Variants in AGBL1 observed in about 807,000 individuals in gnomAD.
The protein encoded by AGBL1 is AGBL carboxypeptidase 1.
A neutral mutation model predicts 118.9 loss-of-function variants in AGBL1; 130 were observed. The observed-to-expected ratio is 1.09, with a 90% CI of 0.95 to 1.26. The LOEUF (loss-of-function observed/expected upper bound fraction) is 1.26, where lower values mean the gene tolerates loss of function less well. Among genes scored for constraint, AGBL1 ranks in the 50% most tolerant of loss-of-function variants. The probability of loss-of-function intolerance (pLI) is 0.00; values close to 1 mark genes in which losing one functional copy is unlikely to be tolerated. For missense variants in AGBL1, 1,584 were observed against 1,298.1 expected, an observed-to-expected ratio of 1.22 and a Z score of -3.38; for synonymous variants, 555 against 478.9, an observed-to-expected ratio of 1.16 and a Z score of -2.08.
At chr15:86,560,827 C>T (rs970316944) in intron 21 of AGBL1, among the ~76,000 whole-genome samples, 1 of 152,184 alleles carries the variant, frequency 6.6e-6, no homozygotes, top group Non-Finnish European at 1.5e-5. Context: ...TTAATGATCG[C>T]CATTCTAACT....
At chr15:86,576,589 CA>C (rs2084095348) in intron 21 of AGBL1, among the ~76,000 whole-genome samples, 1 of 152,190 alleles carries the variant, frequency 6.6e-6, no homozygotes, top group South Asian at 2.1e-4. Context: ...TCACTATATA[CA>C]AAGAGGTCTT....
chr15:87,023,110 A>G (rs1400615192), intron 24 of AGBL1, among the ~76,000 whole-genome samples: 1 of 152,084 alleles, frequency 6.6e-6, no homozygotes, highest in East Asian at 1.9e-4. Flanking sequence ...AGCATGATGA[A>G]TGGAATGGTA....
chr15:86,787,433 T>A (rs1013560701), intron 22 of AGBL1, among the ~76,000 whole-genome samples: 1 of 152,178 alleles, frequency 6.6e-6, no homozygotes, highest in African/African-American at 2.4e-5. Flanking sequence ...TTTCCTCCCC[T>A]CCCCTACCCT....
chr15:86,453,477 C>T (rs1487006640), intron 18 of AGBL1, among the ~76,000 whole-genome samples: 1 of 152,154 alleles, frequency 6.6e-6, no homozygotes, highest in Non-Finnish European at 1.5e-5. Context: ...AACACTTCTC[C>T]CTACAGCAAT....
chr15:86,404,772 C>T (rs571758204), intron 18 of AGBL1, among the ~76,000 whole-genome samples: 20 of 152,264 alleles, frequency 1.3e-4, no homozygotes, highest in Admixed American at 5.2e-4. Flanking sequence ...CTGTAGATCA[C>T]GGCAATGAGC....
chr15:86,689,615 T>C (rs538033140), intron 22 of AGBL1, among the ~76,000 whole-genome samples: 28 of 152,226 alleles, frequency 1.8e-4, no homozygotes, highest in African/African-American at 6.3e-4. Context: ...CGCTGATTAA[T>C]GGATATTAAT....
At chr15:86,393,074 G>C (rs1038711670) in intron 17 of AGBL1, among the ~76,000 whole-genome samples, 1 of 152,200 alleles carries the variant, frequency 6.6e-6, no homozygotes, top group Non-Finnish European at 1.5e-5. Flanking sequence ...CAGAGGGGAA[G>C]AGAGGAAAGC....
exon 25 of AGBL1, chr15:87,028,829 T>G (rs1183886440): frequency 6.2e-7 from 1 of 1,606,110 alleles, no homozygotes; most frequent in South Asian, 1.1e-5. Context: ...TCTCAGAGTT[T>G]GTGACACTTG....
intron 17 of AGBL1, among the ~76,000 whole-genome samples, chr15:86,301,403 T>TC (rs1370668175): frequency 1.3e-5 from 2 of 151,808 alleles, no homozygotes; most frequent in African/African-American, 4.8e-5. Context: ...GGCAATCTTT[T>TC]TTTTTTTTCT....
At chr15:86,402,157 T>G (rs1278125889) in intron 18 of AGBL1, among the ~76,000 whole-genome samples, 1 of 152,066 alleles carries the variant, frequency 6.6e-6, no homozygotes, top group African/African-American at 2.4e-5. Flanking sequence ...AGTAGAGATA[T>G]TTTACCTCCT....
At chr15:86,795,844 G>A (rs1046836006) in intron 22 of AGBL1, among the ~76,000 whole-genome samples, 2 of 151,106 alleles carry the variant, frequency 1.3e-5, no homozygotes, top group Admixed American at 6.6e-5. Flanking sequence ...CCCCAGCCCC[G>A]CAAAGTGCTG....
At chr15:86,436,850 GA>G (rs1273869656) in intron 18 of AGBL1, among the ~76,000 whole-genome samples, 1 of 152,122 alleles carries the variant, frequency 6.6e-6, no homozygotes, top group Non-Finnish European at 1.5e-5. Context: ...TATGGTTCTG[GA>G]AAATAACTAC....
intron 5 of AGBL1, among the ~76,000 whole-genome samples, chr15:86,194,628 C>A (rs779403324): frequency 2.6e-5 from 4 of 152,146 alleles, no homozygotes; most frequent in African/African-American, 9.7e-5. Flanking sequence ...TATTTTCCTA[C>A]GATAACCTGG....
chr15:86,308,509 T>G (rs1240683181), intron 17 of AGBL1, among the ~76,000 whole-genome samples: 1 of 152,252 alleles, frequency 6.6e-6, no homozygotes, highest in African/African-American at 2.4e-5. Context: ...TTCTGTTGTT[T>G]AAGCCACCCA....
intron 22 of AGBL1, among the ~76,000 whole-genome samples, chr15:86,818,478 G>C (rs983267282): frequency 6.6e-6 from 1 of 152,198 alleles, no homozygotes; most frequent in African/African-American, 2.4e-5. Context: ...ATCTGAGGTG[G>C]AACAGTTTCA....
intron 22 of AGBL1, among the ~76,000 whole-genome samples, chr15:86,789,472 G>A (rs1390249988): frequency 6.6e-6 from 1 of 152,164 alleles, no homozygotes; most frequent in Non-Finnish European, 1.5e-5. Flanking sequence ...GTTTATAGAT[G>A]ATCCCATTGA....
intron 22 of AGBL1, among the ~76,000 whole-genome samples, chr15:86,818,325 A>G (rs1199960717): frequency 6.6e-6 from 1 of 152,200 alleles, no homozygotes; most frequent in Non-Finnish European, 1.5e-5. Flanking sequence ...TGGGCCAGTG[A>G]GCATGACCAG....
At chr15:86,326,229 T>A (rs892416968) in intron 17 of AGBL1, among the ~76,000 whole-genome samples, 9 of 152,246 alleles carry the variant, frequency 5.9e-5, no homozygotes, top group African/African-American at 1.9e-4. Context: ...CTCATAGACA[T>A]AATGTATACC....
intron 5 of AGBL1, among the ~76,000 whole-genome samples, chr15:86,166,425 A>T (rs1314933584): frequency 6.6e-6 from 1 of 152,202 alleles, no homozygotes; most frequent in South Asian, 2.1e-4. Flanking sequence ...AAGCCCACAG[A>T]GCTGAGCAGA....
Sources: allele counts gnomAD v4.1 joint callset (sites outside exome capture counted in the v4.1 genomes callset), GRCh38; gene constraint gnomAD v4.1.1; transcripts MANE v1.5; gene names NCBI Gene and HGNC (gene_info 2026-07-23, HGNC 2026-07-21).